Variants in SAMD4A observed in about 807,000 individuals in gnomAD.
SAMD4A encodes protein Smaug homolog 1.
Under a neutral mutation model 81.3 loss-of-function variants are expected in SAMD4A, and 33 were observed. The ratio of observed to expected loss-of-function variants is 0.41; its 90% CI spans 0.31 to 0.54. The LOEUF (loss-of-function observed/expected upper bound fraction) is 0.54. Among genes scored for constraint, SAMD4A ranks in the 20% least tolerant of loss-of-function variants. The pLI, the probability that SAMD4A is intolerant of heterozygous loss-of-function variation, is 0.37. For missense variants in SAMD4A, 854 were observed against 951.1 expected, an observed-to-expected ratio of 0.90 and a Z score of 1.34; for synonymous variants, 389 against 382.1, an observed-to-expected ratio of 1.02 and a Z score of -0.21.
chr14:54,685,324 A>G (rs1214318793), intron 2 of SAMD4A, among the ~76,000 whole-genome samples: 1 of 148,468 alleles, frequency 6.7e-6, no homozygotes, highest in Non-Finnish European at 1.5e-5. Flanking sequence ...TGACTACTCA[A>G]GAGACCTCAT....
At chr14:54,603,025 G>C (rs968976421) in intron 2 of SAMD4A, among the ~76,000 whole-genome samples, 2 of 152,150 alleles carry the variant, frequency 1.3e-5, no homozygotes, top group Non-Finnish European at 2.9e-5. Flanking sequence ...TAGAGTTTGA[G>C]GAACACTGGT....
intron 2 of SAMD4A, among the ~76,000 whole-genome samples, chr14:54,699,723 T>C (rs1198840996): frequency 6.6e-6 from 1 of 152,226 alleles, no homozygotes; most frequent in Non-Finnish European, 1.5e-5. Flanking sequence ...AAGTTTAGAA[T>C]ACCATATATG....
intron 2 of SAMD4A, among the ~76,000 whole-genome samples, chr14:54,624,229 T>G (rs992705168): frequency 6.6e-6 from 1 of 151,604 alleles, no homozygotes; most frequent in African/African-American, 2.4e-5. Flanking sequence ...CACCTTGGCC[T>G]CCCAAAGTGC....
At chr14:54,696,455 C>T (rs2036581401) in intron 2 of SAMD4A, among the ~76,000 whole-genome samples, 1 of 152,228 alleles carries the variant, frequency 6.6e-6, no homozygotes, top group Non-Finnish European at 1.5e-5. Flanking sequence ...ACCAGTACTT[C>T]TTCTGTGTGT....
At position 54,757,414 on chromosome 14, in the gene SAMD4A, TG is replaced by T. The variant is rs1566622514; in HGVS notation, c.1177-2746del. Among the ~76,000 whole-genome samples the T allele has an allele frequency of 1.9e-3, 280 of 147,798 alleles. 1 individual carries two copies. Among genetic ancestry groups the T allele is most frequent in the African/African-American group, 6.9e-3 (268 of 38,844 alleles). On this transcript the variant is annotated intron_variant, in intron 6 of 12. Transcript: ENST00000554335. The stretch of plus-strand genomic sequence containing the variant: ...GTGTGTGTGTGTGTGTGTGTGTGTG[TG>T]TGTGTGTGTGTGTTTTGTTTTGTTT...
chr14:54,688,598 A>G (rs1006371513), intron 2 of SAMD4A, among the ~76,000 whole-genome samples: 4 of 152,200 alleles, frequency 2.6e-5, no homozygotes, highest in African/African-American at 9.7e-5. Context: ...GTAGGTTGCT[A>G]TGAATAGAAA....
At chr14:54,571,298 T>G (rs923958823) in intron 2 of SAMD4A, among the ~76,000 whole-genome samples, 1 of 152,208 alleles carries the variant, frequency 6.6e-6, no homozygotes, top group Non-Finnish European at 1.5e-5. Context: ...TTAACAGATA[T>G]GGTCATGATC....
At chr14:54,750,708 C>T (rs2038081586) in intron 5 of SAMD4A, among the ~76,000 whole-genome samples, 1 of 152,162 alleles carries the variant, frequency 6.6e-6, no homozygotes, top group South Asian at 2.1e-4. Context: ...TGGGTAAAAA[C>T]ACAGGGAGGG....
intron 2 of SAMD4A, among the ~76,000 whole-genome samples, chr14:54,681,475 G>A (rs945547178): frequency 2.6e-5 from 4 of 152,002 alleles, no homozygotes; most frequent in African/African-American, 9.7e-5. Context: ...TGTTACCCAG[G>A]CTGGAGTATA....
intron 2 of SAMD4A, among the ~76,000 whole-genome samples, chr14:54,621,961 A>G (rs972996514): frequency 1.3e-5 from 2 of 152,282 alleles, no homozygotes; most frequent in Admixed American, 6.5e-5. Context: ...TGTGTTACTC[A>G]TATTATATGA....
intron 8 of SAMD4A, 113 bp from the exon 9 acceptor site, chr14:54,769,991 G>C: frequency 1.4e-6 from 1 of 706,512 alleles, no homozygotes; most frequent in South Asian, 1.8e-5. Context: ...GTTAGAAACA[G>C]GTGAAGAAAA....
chr14:54,565,619 C>T (rs1167840706), upstream of SAMD4A, among the ~76,000 whole-genome samples: 1 of 152,198 alleles, frequency 6.6e-6, no homozygotes, highest in Non-Finnish European at 1.5e-5. This position sits in a 1 kb window ranked among gnomAD's most constrained non-coding sequence, Gnocchi z 5.4. Flanking sequence ...CGCCCGGGGG[C>T]CAAACACCTC....
intron 3 of SAMD4A, among the ~76,000 whole-genome samples, chr14:54,709,199 C>T (rs1477339272): frequency 6.6e-6 from 1 of 151,894 alleles, no homozygotes; most frequent in African/African-American, 2.4e-5. Flanking sequence ...ATCACTTGAG[C>T]CTGGGAGGTA....
intron 7 of SAMD4A, among the ~76,000 whole-genome samples, chr14:54,762,668 C>T (rs1360336138): frequency 6.6e-6 from 1 of 152,148 alleles, no homozygotes; most frequent in Non-Finnish European, 1.5e-5. Context: ...ATTTTACCTA[C>T]GTTAAAGGAA....
At chr14:54,720,898 C>T (rs943074471) in intron 3 of SAMD4A, among the ~76,000 whole-genome samples, 1 of 152,090 alleles carries the variant, frequency 6.6e-6, no homozygotes, top group South Asian at 2.1e-4. Flanking sequence ...TTGCTATGGG[C>T]ACACACACCA....
intron 2 of SAMD4A, among the ~76,000 whole-genome samples, chr14:54,695,370 C>G (rs927503640): frequency 6.6e-6 from 1 of 152,236 alleles, no homozygotes; most frequent in Non-Finnish European, 1.5e-5. Context: ...CAAGTTGATT[C>G]TGGCTGTTGG....
At chr14:54,727,533 C>A (rs2037455699) in intron 3 of SAMD4A, among the ~76,000 whole-genome samples, 1 of 152,024 alleles carries the variant, frequency 6.6e-6, no homozygotes, top group African/African-American at 2.4e-5. Flanking sequence ...GAAAGCACAA[C>A]AATGTGAAAA....
intron 2 of SAMD4A, among the ~76,000 whole-genome samples, chr14:54,680,261 G>GA (rs1453341554): frequency 6.6e-6 from 1 of 152,184 alleles, no homozygotes; most frequent in African/African-American, 2.4e-5. Flanking sequence ...TTTTCTATTT[G>GA]AAAAAAGTCA....
In SAMD4A at chr14:54,615,087, CT is replaced by C. The variant is rs370525865; in HGVS notation, c.196+46976del. ...GAGTCCTGGCACCTTCTCTTGGCTT[CT>C]GACAAGTTCACCTGGAACCTTGGAA... On this transcript the variant is annotated intron_variant, in intron 2 of 12. Coordinates refer to ENST00000554335, the MANE Select transcript of SAMD4A (RefSeq NM_015589.6). Among the ~76,000 whole-genome samples the C allele has an allele frequency of 7.7e-4, 118 of 152,328 alleles. 1 individual carries two copies. In the South Asian group the frequency reaches 0.013, roughly 17 times the overall value.
Sources: gnomAD v4.1 joint callset for allele counts (sites outside exome capture counted in the v4.1 genomes callset) on GRCh38, gnomAD v4.1.1 for gene constraint, Gnocchi (gnomAD v3.1) non-coding constraint, MANE v1.5 for transcripts, NCBI Gene and HGNC (gene_info 2026-07-23, HGNC 2026-07-21) for gene names.